Variants in STX7 observed in about 807,000 individuals in gnomAD.
STX7 encodes the protein syntaxin-7.
STX7 carries 34 observed loss-of-function variants against 39.6 expected under a neutral mutation model. The observed-to-expected ratio is 0.86, with a 90% CI of 0.65 to 1.14. STX7 has a LOEUF of 1.14. Ranked by LOEUF, STX7 falls within the 50% of genes most tolerant of loss-of-function variation. The pLI, the probability that STX7 is intolerant of heterozygous loss-of-function variation, is 0.00. For missense variants in STX7, 284 were observed against 310.4 expected (o/e 0.92, Z 0.64); for synonymous variants, 119 against 99.1 (o/e 1.20, Z -1.19).
chr6:132,479,983 GAGGA>G (rs1774976833), intron 2 of STX7, among the ~76,000 whole-genome samples: 1 of 152,130 alleles, frequency 6.6e-6, no homozygotes, highest in African/African-American at 2.4e-5. Flanking sequence ...TTCCATCTTG[GAGGA>G]GGCAGAATTT....
At chr6:132,487,521 A>G (rs773478216) in intron 2 of STX7, among the ~76,000 whole-genome samples, 11 of 152,154 alleles carry the variant, frequency 7.2e-5, no homozygotes, top group Non-Finnish European at 1.5e-4. Flanking sequence ...CAAATACCTA[A>G]TGCATGTGGG....
At chr6:132,464,574 C>A (rs544348086) in intron 8 of STX7, among the ~76,000 whole-genome samples, 1 of 152,138 alleles carries the variant, frequency 6.6e-6, no homozygotes, top group Non-Finnish European at 1.5e-5. Flanking sequence ...AACCCAAATG[C>A]TAAAACTTGA....
At chr6:132,465,525 T>G (rs1774544783) in intron 8 of STX7, among the ~76,000 whole-genome samples, 1 of 152,180 alleles carries the variant, frequency 6.6e-6, no homozygotes, top group South Asian at 2.1e-4. Context: ...CAGCTGATTA[T>G]GGATGTAAAA....
chr6:132,506,283 A>G (rs1775704435), intron 1 of STX7, among the ~76,000 whole-genome samples: 1 of 152,324 alleles, frequency 6.6e-6, no homozygotes, highest in East Asian at 1.9e-4. Context: ...TTTGCACAGC[A>G]AAAGAAATAA....
chr6:132,505,819 T>C (rs1775693230), intron 1 of STX7, among the ~76,000 whole-genome samples: 1 of 147,270 alleles, frequency 6.8e-6, no homozygotes, highest in Non-Finnish European at 1.5e-5. Context: ...GCTGGAGGCA[T>C]CTCATTGCCT....
intron 2 of STX7, among the ~76,000 whole-genome samples, chr6:132,502,994 T>G (rs919924449): frequency 2.6e-5 from 4 of 152,156 alleles, no homozygotes; most frequent in Non-Finnish European, 5.9e-5. Context: ...CTCTTGCTCC[T>G]TAATAAGGTA....
intron 2 of STX7, among the ~76,000 whole-genome samples, chr6:132,489,509 C>T (rs894711487): frequency 1.3e-5 from 2 of 152,234 alleles, no homozygotes. Flanking sequence ...CTTTTCCCCT[C>T]TAGCACTAGT....
intron 2 of STX7, among the ~76,000 whole-genome samples, chr6:132,501,173 C>A (rs1005473078): frequency 1.1e-4 from 17 of 152,092 alleles, no homozygotes; most frequent in African/African-American, 4.1e-4. Context: ...CTGCCTCTGC[C>A]TCCCAAGTAG....
intron 2 of STX7, among the ~76,000 whole-genome samples, chr6:132,483,733 T>C (rs1775064886): frequency 1.3e-5 from 2 of 152,328 alleles, no homozygotes; most frequent in South Asian, 2.1e-4. Context: ...TAGTAGGATA[T>C]GTGGTTCACA....
chr6:132,462,775 T>G (rs1472825257), intron 9 of STX7, among the ~76,000 whole-genome samples: 1 of 152,156 alleles, frequency 6.6e-6, no homozygotes, highest in Non-Finnish European at 1.5e-5. Flanking sequence ...GCAATCTCCA[T>G]AGCTTCATTA....
chr6:132,457,041 T>C lies in STX7; in HGVS notation c.*3717A>G, dbSNP rs1269150578. On this transcript the variant is annotated 3_prime_UTR_variant, in exon 10 of 10. Coordinates refer to ENST00000367941, the MANE Select transcript of STX7 (RefSeq NM_003569.3). ...CTGGGGACAGCTCCCTGAGACACAC[T>C]GTCAGTGCTGCACGCCAACAGCACA... is the stretch of plus-strand genomic sequence containing the variant. The C allele has an allele frequency of 6.6e-6, 1 of 152,310 alleles. No homozygotes were observed. Among genetic ancestry groups the C allele is most frequent in the East Asian group, 1.9e-4 (1 of 5,202 alleles). The allele number at this position is 152,310 out of a possible 1,614,324, so 9.4% of individuals were successfully genotyped here. A position where few individuals can be genotyped will look rare whatever the true frequency, so the allele number is the denominator to read the frequency against.
At position 132,452,471 on chromosome 6, in the gene STX7, C is replaced by A. The variant is rs1774154720; in HGVS notation, c.*8287G>T. 7.5e-6 allele frequency: 1 copy of A among 133,682 alleles called. No individual in the cohort carries two copies. The highest frequency in any genetic ancestry group is 1.6e-5 in the Non-Finnish European group (1 of 61,572). The allele number at this position is 133,682 out of a possible 1,614,324, so 8.3% of individuals were successfully genotyped here. On this transcript the variant is annotated 3_prime_UTR_variant, in exon 10 of 10. Transcript: ENST00000367941. ...CATTATTTGCAGATGACATGACTAT[C>A]TATATAAAAAAAAAATCCCAAGGAA...
chr6:132,473,740 T>C (rs1045286562), intron 3 of STX7, among the ~76,000 whole-genome samples: 4 of 152,152 alleles, frequency 2.6e-5, no homozygotes, highest in Non-Finnish European at 5.9e-5. Context: ...TTTCATCTCA[T>C]TTTAAATATG....
At chr6:132,485,274 T>C (rs775142542) in intron 2 of STX7, among the ~76,000 whole-genome samples, 12 of 152,240 alleles carry the variant, frequency 7.9e-5, no homozygotes, top group Non-Finnish European at 1.2e-4. Flanking sequence ...TATATAAATG[T>C]AATCACAGAG....
intron 3 of STX7, 64 bp from the exon 4 acceptor site, chr6:132,472,439 C>T (rs775918900): frequency 2.4e-5 from 30 of 1,255,634 alleles, no homozygotes; most frequent in Non-Finnish European, 2.9e-5. Flanking sequence ...TTCAACTCTG[C>T]CTTTTGAATC....
In STX7 at chr6:132,499,206, T is replaced by C. The variant is rs577061703; in HGVS notation, c.85+4240A>G. 5.3e-5 allele frequency among the ~76,000 whole-genome samples: 8 copies of C among 152,378 alleles called. No homozygotes were observed. The South Asian group carries it at 1.7e-3, about 32-fold the overall frequency. Reference sequence around the variant, plus strand: ...AGAATTTCTCTGTTGCAGTGTAAAATGGAACCCTTTCTTTGATCCTCTTTC... The same window carrying C: ...AGAATTTCTCTGTTGCAGTGTAAAACGGAACCCTTTCTTTGATCCTCTTTC... On this transcript the variant is annotated intron_variant, in intron 2 of 9. Transcript: ENST00000367941.
intron 2 of STX7, among the ~76,000 whole-genome samples, chr6:132,484,920 C>A (rs1440089683): frequency 3.3e-5 from 5 of 152,116 alleles, no homozygotes; most frequent in African/African-American, 1.2e-4. Flanking sequence ...AGGTAGGCAC[C>A]GTGTACTGGA....
In STX7 at chr6:132,454,827, C is replaced by T. The variant is rs1162217201; in HGVS notation, c.*5931G>A. On this transcript the variant is annotated 3_prime_UTR_variant, in exon 10 of 10. Transcript: ENST00000367941. ...TTTATTGCCTCCAAGATAGAACTAACGTGAATGATATATAACTAAGGTTAT... is the reference window on the plus strand; with the variant it reads ...TTTATTGCCTCCAAGATAGAACTAATGTGAATGATATATAACTAAGGTTAT... 1 of 152,010 alleles carries T rather than the reference C, an allele frequency of 6.6e-6. No homozygotes were observed. Among genetic ancestry groups the T allele is most frequent in the African/African-American group, 2.4e-5 (1 of 41,406 alleles). The allele number at this position is 152,010 out of a possible 1,614,324, so 9.4% of individuals were successfully genotyped here. A position where few individuals can be genotyped will look rare whatever the true frequency, so the allele number is the denominator to read the frequency against.
At chr6:132,492,939 G>A (rs1775331304) in intron 2 of STX7, among the ~76,000 whole-genome samples, 1 of 152,194 alleles carries the variant, frequency 6.6e-6, no homozygotes, top group Non-Finnish European at 1.5e-5. Context: ...CCCATGCCCA[G>A]CAGCAAGGCA....
Sources: allele counts gnomAD v4.1 joint callset (sites outside exome capture counted in the v4.1 genomes callset), GRCh38; gene constraint gnomAD v4.1.1; transcripts MANE v1.5; gene names NCBI Gene and HGNC (gene_info 2026-07-23, HGNC 2026-07-21).